Variants in TRAPPC9 observed in about 807,000 individuals in gnomAD.
The protein encoded by TRAPPC9 is trafficking protein particle complex subunit 9.
Under a neutral mutation model 124.0 loss-of-function variants are expected in TRAPPC9, and 83 were observed. The observed-to-expected ratio is 0.67, with a 90% CI of 0.56 to 0.80. The LOEUF is 0.80. TRAPPC9 is among the 30% of genes least tolerant of loss of function. The pLI is 0.00. For synonymous variants in TRAPPC9, 638 were observed against 617.5 expected, an observed-to-expected ratio of 1.03 and a Z score of -0.49; for missense variants, 1,302 against 1,508.3, an observed-to-expected ratio of 0.86 and a Z score of 2.27.
intron 18 of TRAPPC9, among the ~76,000 whole-genome samples, chr8:139,991,546 G>A (rs1187137535): frequency 6.6e-6 from 1 of 151,396 alleles, no homozygotes; most frequent in African/African-American, 2.4e-5. Flanking sequence ...CTGATGCTCT[G>A]AGCATATGGT....
At chr8:140,435,627 G>A (rs970756610) in intron 3 of TRAPPC9, among the ~76,000 whole-genome samples, 4 of 152,210 alleles carry the variant, frequency 2.6e-5, no homozygotes, top group African/African-American at 9.6e-5. Context: ...GAGCTACAGA[G>A]ATGTATAACA....
rs1192792872 is a variant in TRAPPC9 at position 139,728,995 on chromosome 8, A to G, written c.*2066T>C. Among the ~76,000 whole-genome samples the G allele has an allele frequency of 6.6e-6, 1 of 152,224 alleles. No homozygotes were observed. The highest frequency in any genetic ancestry group is 1.5e-5 in the Non-Finnish European group (1 of 68,050). ...TTGGCTTTTCTAGGCTTCTATATGC[A>G]TCTATATCTAATCTGGATCTGTGGC... On this transcript the variant is annotated 3_prime_UTR_variant, in exon 23 of 23. Transcript: ENST00000438773.
In TRAPPC9 at chr8:139,947,912, A is replaced by C. The variant is rs1313626136; in HGVS notation, c.2811-37612T>G. On this transcript the variant is annotated intron_variant, in intron 19 of 22. Coordinates refer to ENST00000438773, the MANE Select transcript of TRAPPC9 (RefSeq NM_001160372.4). ...TATGTGTGTATATATATATATAGAG[A>C]GAGAGAGAGAGCGAGAGAGAGAGAG... Among the ~76,000 whole-genome samples the C allele has an allele frequency of 1.5e-3, 89 of 58,416 alleles. 3 individuals are homozygous for C. The highest frequency in any genetic ancestry group is 6.0e-3 in the African/African-American group (85 of 14,184). 38.3% of individuals were successfully genotyped at this position (58,416 alleles called of 152,430 possible). A position where few individuals can be genotyped will look rare whatever the true frequency, so the allele number is the denominator to read the frequency against.
chr8:140,004,870 A>C (rs555288475), intron 18 of TRAPPC9, among the ~76,000 whole-genome samples: 4 of 152,228 alleles, frequency 2.6e-5, no homozygotes, highest in African/African-American at 9.6e-5. Flanking sequence ...AAAGTGAATT[A>C]GCATAAAACT....
At chr8:140,090,562 G>A (rs568141744) in intron 17 of TRAPPC9, among the ~76,000 whole-genome samples, 1 of 152,366 alleles carries the variant, frequency 6.6e-6, no homozygotes, top group East Asian at 1.9e-4. Context: ...GAGACCAGGG[G>A]GTTGGAGCTA....
intron 21 of TRAPPC9, among the ~76,000 whole-genome samples, chr8:139,802,886 GCT>G (rs1823639343): frequency 6.6e-6 from 1 of 152,156 alleles, no homozygotes; most frequent in Non-Finnish European, 1.5e-5. Context: ...TTGTATGAGT[GCT>G]CTGTGTGCAT....
intron 17 of TRAPPC9, among the ~76,000 whole-genome samples, chr8:140,152,723 A>G (rs1356862813): frequency 6.6e-6 from 1 of 152,094 alleles, no homozygotes; most frequent in Admixed American, 6.5e-5. Context: ...GTATGTCTTT[A>G]CATTAATAGG....
chr8:139,997,236 A>G (rs1348209820), intron 18 of TRAPPC9, among the ~76,000 whole-genome samples: 2 of 152,092 alleles, frequency 1.3e-5, no homozygotes, highest in African/African-American at 4.8e-5. Flanking sequence ...GAGACAGTGC[A>G]TCCTTCATAG....
chr8:139,975,699 T>C (rs1289532218), intron 19 of TRAPPC9, among the ~76,000 whole-genome samples: 1 of 152,072 alleles, frequency 6.6e-6, no homozygotes, highest in East Asian at 1.9e-4. Flanking sequence ...GCACCGAGCA[T>C]CAGCATCCAG....
chr8:139,870,619 C>T (rs1407396419), intron 21 of TRAPPC9, among the ~76,000 whole-genome samples: 6 of 152,098 alleles, frequency 3.9e-5, no homozygotes, highest in Non-Finnish European at 8.8e-5. Flanking sequence ...GAAACATACC[C>T]GAGATCTACC....
chr8:140,222,497 G>A (rs148144977), intron 16 of TRAPPC9, among the ~76,000 whole-genome samples: 72 of 152,084 alleles, frequency 4.7e-4, no homozygotes, highest in African/African-American at 1.1e-3. Context: ...CTTCTCCCCC[G>A]TTGCCTTCAC....
At chr8:140,404,080 G>A (rs2069384541) in intron 6 of TRAPPC9, among the ~76,000 whole-genome samples, 4 of 152,120 alleles carry the variant, frequency 2.6e-5, no homozygotes, top group Admixed American at 2.6e-4. Context: ...ACAATAGGGG[G>A]AAGAAAAAAC....
chr8:140,233,287 C>G (rs1028848619), intron 16 of TRAPPC9, among the ~76,000 whole-genome samples: 7 of 152,054 alleles, frequency 4.6e-5, no homozygotes, highest in Non-Finnish European at 1.0e-4. Context: ...TCACTGCAAC[C>G]TCTGCCCTCC....
Position 140,252,888 on chromosome 8 carries a change from T to C in TRAPPC9, c.2320A>G (p.Thr774Ala), listed in dbSNP as rs1019422335. 6 of 1,613,842 alleles carry C rather than the reference T, an allele frequency of 3.7e-6. No individual in the cohort carries two copies. Among genetic ancestry groups the C allele is most frequent in the African/African-American group, 2.7e-5 (2 of 74,856 alleles). Residue 774 changes from threonine (T) to alanine (A), a missense_variant, in exon 16 of 23, where the codon ACC (threonine) becomes GCC (alanine). By Grantham distance (58) the Thr-to-Ala change is moderately conservative (BLOSUM62 0). Coordinates refer to ENST00000438773, the MANE Select transcript of TRAPPC9 (RefSeq NM_001160372.4). The surrounding 1 kb of genome is among the most constrained non-coding windows in gnomAD (Gnocchi z 4.2). ...GDFLSWKLEE[T>A]LAQFPLQPGK... ...GGCTGCAAAGGGAACTGGGCAAGGG[T>C]TTCCTCTAGCTTCCAGCTCAAGAAG...
At position 140,081,976 on chromosome 8, in the gene TRAPPC9, C is replaced by T. The variant is rs554874010; in HGVS notation, c.2557-57897G>A. On this transcript the variant is annotated intron_variant, in intron 17 of 22. Coordinates refer to ENST00000438773, the MANE Select transcript of TRAPPC9 (RefSeq NM_001160372.4). ...TCTGCCTCTCCCAGGGGACCACGCA[C>T]ACTCTTACTCACCTCCAACTCCTCA... The T allele has an allele frequency of 3.3e-5, 5 of 152,448 alleles. No individual in the cohort carries two copies. In the East Asian group the frequency reaches 9.6e-4, roughly 29 times the overall value. The allele number at this position is 152,448 out of a possible 1,614,324, so 9.4% of individuals were successfully genotyped here.
At chr8:139,986,734 A>G (rs540906951) in intron 19 of TRAPPC9, among the ~76,000 whole-genome samples, 31 of 152,312 alleles carry the variant, frequency 2.0e-4, no homozygotes, top group African/African-American at 7.5e-4. Flanking sequence ...TACATCATGA[A>G]ATGTACAAAT....
intron 19 of TRAPPC9, among the ~76,000 whole-genome samples, chr8:139,944,764 T>C (rs181036884): frequency 6.6e-6 from 1 of 152,220 alleles, no homozygotes; most frequent in Non-Finnish European, 1.5e-5. Flanking sequence ...TTAAACCAAA[T>C]ACCAATAAAT....
intron 8 of TRAPPC9, among the ~76,000 whole-genome samples, chr8:140,368,098 G>A (rs2068174768): frequency 6.6e-6 from 1 of 152,166 alleles, no homozygotes; most frequent in Non-Finnish European, 1.5e-5. Context: ...CTTTAAACGT[G>A]GGACTTGGCA....
intron 21 of TRAPPC9, among the ~76,000 whole-genome samples, chr8:139,798,332 A>C (rs961646502): frequency 6.6e-6 from 1 of 152,234 alleles, no homozygotes; most frequent in African/African-American, 2.4e-5. Context: ...TATAAACACA[A>C]TTGATTTTTG....
Sources: allele counts gnomAD v4.1 joint callset (sites outside exome capture counted in the v4.1 genomes callset), GRCh38; gene constraint gnomAD v4.1.1; non-coding constraint Gnocchi (gnomAD v3.1); transcripts MANE v1.5; gene names NCBI Gene and HGNC (gene_info 2026-07-23, HGNC 2026-07-21).